The following PARD3 variants were observed in gnomAD, a reference collection of about 807,000 sequenced individuals.
PARD3 encodes partitioning defective 3 homolog.
PARD3 carries 75 observed loss-of-function variants against 155.4 expected under a neutral mutation model. That is an observed-to-expected ratio of 0.48 (90% CI 0.40 to 0.58). The LOEUF (loss-of-function observed/expected upper bound fraction) is 0.58. PARD3 is among the 20% of genes least tolerant of loss of function. The probability of loss-of-function intolerance (pLI) is 0.00; values close to 1 mark genes in which losing one functional copy is unlikely to be tolerated. For synonymous variants in PARD3, 576 were observed against 610.5 expected (o/e 0.94, Z 0.83); for missense variants, 1,642 against 1,721.7 (o/e 0.95, Z 0.82).
chr10:34,506,657 T>C lies in PARD3; in HGVS notation c.403+10322A>G, dbSNP rs374300242. Among the ~76,000 whole-genome samples, 7 of 152,326 alleles carry C rather than the reference T, an allele frequency of 4.6e-5. No individual in the cohort carries two copies. The East Asian group carries it at 7.7e-4, about 17-fold the overall frequency. On this transcript the variant is annotated intron_variant, in intron 3 of 24. Transcript: ENST00000374788. ...GTCCACCGAGGTGATCACTTACATG[T>C]TATTAATGTGTTAGAAAACCTAATA...
At position 34,667,672 on chromosome 10, in the gene PARD3, G is replaced by A. The variant is rs553933510; in HGVS notation, c.222+28646C>T. 3.3e-5 allele frequency among the ~76,000 whole-genome samples: 5 copies of A among 152,266 alleles called. No individual in the cohort carries two copies. In the South Asian group the frequency reaches 6.2e-4, roughly 19 times the overall value. ...AAGGCATTCACATAGGGGTGATATC[G>A]GACAAACTCATCTTTCTAGTCCAGG... On this transcript the variant is annotated intron_variant, in intron 2 of 24. Transcript: ENST00000374788.
At chr10:34,197,227 G>T (rs1470589212) in intron 22 of PARD3, among the ~76,000 whole-genome samples, 1 of 152,116 alleles carries the variant, frequency 6.6e-6, no homozygotes, top group Non-Finnish European at 1.5e-5. Context: ...CTATTTTTAG[G>T]AAAAATGCTT....
At chr10:34,164,738 A>G (rs570455914) in intron 22 of PARD3, among the ~76,000 whole-genome samples, 2 of 152,324 alleles carry the variant, frequency 1.3e-5, no homozygotes, top group Non-Finnish European at 2.9e-5. Flanking sequence ...TTGTATGTAA[A>G]GTTGTTCTTT....
Position 34,450,312 on chromosome 10 carries a change from G to A in PARD3, c.714+5C>T. 6.2e-7 allele frequency: 1 copy of A among 1,612,246 alleles called. No individual in the cohort carries two copies. The highest frequency in any genetic ancestry group is 8.5e-7 in the Non-Finnish European group (1 of 1,179,346). ...TGACGCACATATAAGGATTTGTCATGTTACCTGTTCTTGTTTCTCCAGCCA... is the reference window on the plus strand; with the variant it reads ...TGACGCACATATAAGGATTTGTCATATTACCTGTTCTTGTTTCTCCAGCCA... On this transcript the variant is annotated splice_donor_5th_base_variant and intron_variant, in intron 5 of 24. Coordinates refer to ENST00000374788, the MANE Select transcript of PARD3 (RefSeq NM_001184785.2).
At chr10:34,376,941 A>G (rs60075490) in intron 10 of PARD3, among the ~76,000 whole-genome samples, 1 of 152,328 alleles carries the variant, frequency 6.6e-6, no homozygotes, top group Admixed American at 6.5e-5. Context: ...CATATTTTTC[A>G]ATTTTCTCTT....
At chr10:34,123,194 G>A (rs1161389885) in intron 23 of PARD3, among the ~76,000 whole-genome samples, 2 of 152,148 alleles carry the variant, frequency 1.3e-5, no homozygotes, top group Non-Finnish European at 2.9e-5. Flanking sequence ...ATTGTAAGAT[G>A]GAAATAAACA....
At chr10:34,192,907 T>G (rs1487295249) in intron 22 of PARD3, among the ~76,000 whole-genome samples, 1 of 152,222 alleles carries the variant, frequency 6.6e-6, no homozygotes, top group East Asian at 1.9e-4. Context: ...TAAGTCTGTT[T>G]TTGAGGTAAA....
chr10:34,404,722 T>C (rs1343024790), intron 5 of PARD3, among the ~76,000 whole-genome samples: 1 of 152,160 alleles, frequency 6.6e-6, no homozygotes, highest in Non-Finnish European at 1.5e-5. Flanking sequence ...TTGCCAATTT[T>C]ATAACCTTAT....
At chr10:34,180,337 G>A (rs71495073) in intron 22 of PARD3, among the ~76,000 whole-genome samples, 4,543 of 152,252 alleles carry the variant, frequency 0.03, 89 homozygotes, top group Non-Finnish European at 0.041. Flanking sequence ...GAGCCAATGC[G>A]CCTGGACCCC....
At position 34,709,829 on chromosome 10, in the gene PARD3, C is replaced by G. The variant is rs556965263; in HGVS notation, c.121-13410G>C. 8.5e-4 allele frequency among the ~76,000 whole-genome samples: 130 copies of G among 152,314 alleles called. 1 individual carries two copies. The highest frequency in any genetic ancestry group is 3.4e-3 in the Middle Eastern group (1 of 294). On this transcript the variant is annotated intron_variant, in intron 1 of 24. Transcript: ENST00000374788. ...CTGGCCAAACCCAACCAGAGGTCAACTGACACAGCTGTGCTTTGTATGATT... is the reference window on the plus strand; with the variant it reads ...CTGGCCAAACCCAACCAGAGGTCAAGTGACACAGCTGTGCTTTGTATGATT...
At chr10:34,789,959 A>G (rs550242671) in intron 1 of PARD3, among the ~76,000 whole-genome samples, 2 of 152,218 alleles carry the variant, frequency 1.3e-5, no homozygotes, top group Non-Finnish European at 2.9e-5. Context: ...CAGTGTCTCC[A>G]TGGCAGAATC....
At chr10:34,216,123 C>T (rs1016186690) in intron 22 of PARD3, among the ~76,000 whole-genome samples, 1 of 152,174 alleles carries the variant, frequency 6.6e-6, no homozygotes, top group Non-Finnish European at 1.5e-5. Context: ...TGCATTCCCT[C>T]ATTTGGGCAC....
intron 2 of PARD3, among the ~76,000 whole-genome samples, chr10:34,673,153 G>C (rs889380969): frequency 2.0e-5 from 3 of 152,096 alleles, no homozygotes; most frequent in African/African-American, 7.2e-5. Context: ...AGCACCGGAA[G>C]AATTAATGCT....
At chr10:34,558,199 A>G (rs1390950907) in intron 2 of PARD3, among the ~76,000 whole-genome samples, 1 of 152,088 alleles carries the variant, frequency 6.6e-6, no homozygotes, top group Non-Finnish European at 1.5e-5. Flanking sequence ...TATATTCCCC[A>G]TTGCAGCAAC....
At chr10:34,805,563 A>G (rs1450379210) in intron 1 of PARD3, among the ~76,000 whole-genome samples, 3 of 148,590 alleles carry the variant, frequency 2.0e-5, no homozygotes, top group Non-Finnish European at 3.0e-5. Context: ...ATATATATAT[A>G]TATACACCGT....
chr10:34,362,922 T>A (rs1253017551), intron 12 of PARD3, among the ~76,000 whole-genome samples: 2 of 152,220 alleles, frequency 1.3e-5, no homozygotes, highest in African/African-American at 4.8e-5. Flanking sequence ...ACATCATAGT[T>A]CCCCTTGACT....
chr10:34,704,845 TAGTTA>T lies in PARD3; in HGVS notation c.121-8431_121-8427del, dbSNP rs548569370. On this transcript the variant is annotated intron_variant, in intron 1 of 24. Coordinates refer to ENST00000374788, the MANE Select transcript of PARD3 (RefSeq NM_001184785.2). ...TCCACCAACCAGATTAGCCACATGA[TAGTTA>T]AGTTAACAAGACAAATAAAGTCCTA... Among the ~76,000 whole-genome samples the T allele has an allele frequency of 3.7e-3, 558 of 152,338 alleles. 1 individual carries two copies. The highest frequency in any genetic ancestry group is 6.9e-3 in the Admixed American group (106 of 15,304).
rs141629464 is a variant in PARD3 at position 34,195,439 on chromosome 10, C to T, written c.3420-63856G>A. Among the ~76,000 whole-genome samples the T allele has an allele frequency of 3.6e-4, 55 of 152,234 alleles. No homozygotes were observed. The Middle Eastern group carries it at 0.01, about 28-fold the overall frequency. Reference sequence around the variant, plus strand: ...TGCTACAAATACACACACACACACACGTACTAAAACGAGTAGTAACTGACA... The same window carrying T: ...TGCTACAAATACACACACACACACATGTACTAAAACGAGTAGTAACTGACA... On this transcript the variant is annotated intron_variant, in intron 22 of 24. Coordinates refer to ENST00000374788, the MANE Select transcript of PARD3 (RefSeq NM_001184785.2).
intron 2 of PARD3, among the ~76,000 whole-genome samples, chr10:34,584,104 T>C (rs1193838733): frequency 6.6e-6 from 1 of 152,216 alleles, no homozygotes; most frequent in Admixed American, 6.5e-5. Context: ...TTTCAAGCTA[T>C]TGTTTTCCCA....
Sources: gnomAD v4.1 joint callset for allele counts (sites outside exome capture counted in the v4.1 genomes callset) on GRCh38, gnomAD v4.1.1 for gene constraint, MANE v1.5 for transcripts, NCBI Gene and HGNC (gene_info 2026-07-23, HGNC 2026-07-21) for gene names.